Variants in CNTNAP2 observed in about 807,000 individuals in gnomAD.
CNTNAP2 encodes contactin associated protein 2, also known as contactin-associated protein-like 2.
Under a neutral mutation model 155.2 loss-of-function variants are expected in CNTNAP2, and 98 were observed. The ratio of observed to expected loss-of-function variants is 0.63; its 90% confidence interval spans 0.54 to 0.75. The LOEUF (loss-of-function observed/expected upper bound fraction) is 0.75, where lower values mean the gene tolerates loss of function less well. Among genes scored for constraint, CNTNAP2 ranks in the 30% least tolerant of loss-of-function variants. The pLI is 0.00. For missense variants in CNTNAP2, 1,727 were observed against 1,688.1 expected (o/e 1.02, Z -0.40); for synonymous variants, 651 against 631.2 (o/e 1.03, Z -0.47).
chr7:146,811,379 T>G (rs1232984678), intron 2 of CNTNAP2, among the ~76,000 whole-genome samples: 1 of 152,178 alleles, frequency 6.6e-6, no homozygotes, highest in Non-Finnish European at 1.5e-5. Flanking sequence ...TGTTCATGTC[T>G]AGGAATTTAT....
chr7:147,647,000 G>A (rs76890552), intron 13 of CNTNAP2, among the ~76,000 whole-genome samples: 1 of 106,626 alleles, frequency 9.4e-6, no homozygotes, highest in South Asian at 2.8e-4. Context: ...TTTTTTTTTT[G>A]AGACGGAATC....
intron 12 of CNTNAP2, chr7:147,638,854 T>TTG: frequency 1.6e-6 from 1 of 614,870 alleles, no homozygotes; most frequent in Non-Finnish European, 3.0e-6. Flanking sequence ...TTTTTTTTTT[T>TTG]CTTTTTTTGC....
intron 1 of CNTNAP2, among the ~76,000 whole-genome samples, chr7:146,509,453 C>A (rs775676556): frequency 2.0e-5 from 3 of 152,186 alleles, no homozygotes; most frequent in Admixed American, 6.5e-5. Context: ...GCGCTGCCAG[C>A]ACTGTTTACT....
intron 4 of CNTNAP2, among the ~76,000 whole-genome samples, chr7:147,102,202 A>T (rs1396220674): frequency 6.7e-6 from 1 of 149,832 alleles, no homozygotes; most frequent in Non-Finnish European, 1.5e-5. Flanking sequence ...AAATGAACTC[A>T]TTGGCTATAT....
chr7:148,298,705 T>TA (rs1797328061), intron 21 of CNTNAP2, among the ~76,000 whole-genome samples: 2 of 152,134 alleles, frequency 1.3e-5, no homozygotes, highest in African/African-American at 2.4e-5. Context: ...TATATATATA[T>TA]TTTTTAGACA....
chr7:147,771,713 T>C (rs1039582733), intron 13 of CNTNAP2, among the ~76,000 whole-genome samples: 1 of 152,232 alleles, frequency 6.6e-6, no homozygotes, highest in Non-Finnish European at 1.5e-5. Context: ...GATTTGAAGT[T>C]GTCTGGCTCA....
At chr7:147,709,057 G>A (rs1369813134) in intron 13 of CNTNAP2, among the ~76,000 whole-genome samples, 2 of 152,096 alleles carry the variant, frequency 1.3e-5, no homozygotes, top group East Asian at 1.9e-4. Context: ...ACGACCCACC[G>A]CATAGCTGAG....
chr7:146,142,576 T>C (rs1797896847), intron 1 of CNTNAP2, among the ~76,000 whole-genome samples: 1 of 152,158 alleles, frequency 6.6e-6, no homozygotes, highest in Admixed American at 6.5e-5. Flanking sequence ...TGATAGCCAA[T>C]CTAATTTCCC....
chr7:148,253,970 G>A (rs553275641), intron 20 of CNTNAP2, among the ~76,000 whole-genome samples: 17 of 152,074 alleles, frequency 1.1e-4, no homozygotes, highest in Non-Finnish European at 1.5e-4. Flanking sequence ...CGCAGGTCCT[G>A]CATCCCAAGA....
intron 9 of CNTNAP2, among the ~76,000 whole-genome samples, chr7:147,378,427 A>T (rs888218498): frequency 1.3e-5 from 2 of 152,106 alleles, no homozygotes; most frequent in African/African-American, 4.8e-5. Flanking sequence ...TCAGCCATAT[A>T]AAAGAATGAG....
At chr7:146,429,506 T>C (rs548076467) in intron 1 of CNTNAP2, among the ~76,000 whole-genome samples, 39 of 152,194 alleles carry the variant, frequency 2.6e-4, no homozygotes, top group African/African-American at 8.4e-4. Flanking sequence ...CGGGAGTTCA[T>C]TCATAATTCT....
At chr7:147,014,690 C>A (rs1349196299) in intron 3 of CNTNAP2, among the ~76,000 whole-genome samples, 1 of 152,088 alleles carries the variant, frequency 6.6e-6, no homozygotes, top group African/African-American at 2.4e-5. Flanking sequence ...GATTTAACAG[C>A]AACATTAAGC....
At chr7:146,307,917 G>A (rs1303406760) in intron 1 of CNTNAP2, among the ~76,000 whole-genome samples, 1 of 152,092 alleles carries the variant, frequency 6.6e-6, no homozygotes, top group East Asian at 1.9e-4. Context: ...ATAGGCATGG[G>A]CAAGGACTTC....
intron 1 of CNTNAP2, among the ~76,000 whole-genome samples, chr7:146,448,958 A>G (rs756908435): frequency 6.6e-6 from 1 of 152,038 alleles, no homozygotes; most frequent in Non-Finnish European, 1.5e-5. Context: ...GATGACATGA[A>G]TGCTAAATCT....
At chr7:146,789,000 A>T (rs974340060) in intron 2 of CNTNAP2, among the ~76,000 whole-genome samples, 1 of 152,194 alleles carries the variant, frequency 6.6e-6, no homozygotes, top group Non-Finnish European at 1.5e-5. Context: ...GATGATGCCA[A>T]GAACAGAGCT....
chr7:146,954,842 C>T (rs1256022482), intron 3 of CNTNAP2, among the ~76,000 whole-genome samples: 2 of 151,842 alleles, frequency 1.3e-5, no homozygotes, highest in African/African-American at 4.8e-5. Flanking sequence ...TTACTTTTTT[C>T]ACCTTTATTC....
intron 1 of CNTNAP2, among the ~76,000 whole-genome samples, chr7:146,534,536 G>A (rs1027511084): frequency 3.3e-5 from 5 of 152,100 alleles, no homozygotes; most frequent in African/African-American, 1.2e-4. Context: ...AAGACCCTAT[G>A]CGTAGAAAAG....
chr7:146,785,636 A>G lies in CNTNAP2; in HGVS notation c.208+11255A>G, dbSNP rs111441889. Among the ~76,000 whole-genome samples, 891 of 152,336 alleles carry G rather than the reference A, an allele frequency of 5.8e-3. 5 individuals carry two copies. Among genetic ancestry groups the G allele is most frequent in the African/African-American group, 0.02 (832 of 41,582 alleles). On this transcript the variant is annotated intron_variant, in intron 2 of 23. Transcript: ENST00000361727. ...AATTGTTTGGTCACTGTCGTAGCCAATTGGAATCTAGACTATAATAGCAGA... is the reference window on the plus strand; with the variant it reads ...AATTGTTTGGTCACTGTCGTAGCCAGTTGGAATCTAGACTATAATAGCAGA...
At chr7:147,904,149 GGAGA>G (rs954534288) in intron 14 of CNTNAP2, among the ~76,000 whole-genome samples, 10 of 151,632 alleles carry the variant, frequency 6.6e-5, no homozygotes, top group South Asian at 2.1e-4. Flanking sequence ...TGGAAAAATA[GGAGA>G]GAGAGAGAGA....
Sources: allele counts gnomAD v4.1 joint callset (sites outside exome capture counted in the v4.1 genomes callset), GRCh38; gene constraint gnomAD v4.1.1; transcripts MANE v1.5; gene names NCBI Gene and HGNC (gene_info 2026-07-23, HGNC 2026-07-21).